The following ABCA13 variants were observed in gnomAD, a reference collection of about 807,000 sequenced individuals.
ABCA13 encodes ATP-binding cassette sub-family A member 13.
Under a neutral mutation model 478.7 loss-of-function variants are expected in ABCA13, and 476 were observed. The observed-to-expected ratio is 0.99, with a 90% CI of 0.92 to 1.07. The LOEUF (loss-of-function observed/expected upper bound fraction) is 1.07, where lower values mean the gene tolerates loss of function less well. Among genes scored for constraint, ABCA13 ranks in the 50% least tolerant of loss-of-function variants. The probability of loss-of-function intolerance (pLI) is 0.00; values close to 1 mark genes in which losing one functional copy is unlikely to be tolerated. For missense variants in ABCA13, 6,060 were observed against 5,910.6 expected, an observed-to-expected ratio of 1.03 and a Z score of -0.83; for synonymous variants, 2,252 against 2,158.9, an observed-to-expected ratio of 1.04 and a Z score of -1.20.
chr7:48,475,639 T>C (rs960923427), intron 45 of ABCA13, among the ~76,000 whole-genome samples: 5 of 151,922 alleles, frequency 3.3e-5, no homozygotes, highest in African/African-American at 9.7e-5. Context: ...CTAATTTTTG[T>C]ATTTTTAGTA....
chr7:48,225,109 GTGCCTGCCTGCC>G (rs201750881), intron 5 of ABCA13, among the ~76,000 whole-genome samples: 3 of 113,664 alleles, frequency 2.6e-5, no homozygotes, highest in Admixed American at 9.2e-5. Flanking sequence ...CCATGCGTGC[GTGCCTGCCTGCC>G]TGCCTGCCTG....
intron 59 of ABCA13, among the ~76,000 whole-genome samples, chr7:48,636,644 A>C (rs2131665329): frequency 6.6e-6 from 1 of 152,028 alleles, no homozygotes; most frequent in East Asian, 1.9e-4. Flanking sequence ...GCCACCATAC[A>C]CCCAAATGTA....
intron 55 of ABCA13, among the ~76,000 whole-genome samples, chr7:48,556,693 A>G (rs771061754): frequency 2.6e-5 from 4 of 151,710 alleles, no homozygotes; most frequent in Non-Finnish European, 5.9e-5. Flanking sequence ...GTCTATGTGT[A>G]TTTTTATAGG....
intron 29 of ABCA13, 69 bp downstream of exon 29, chr7:48,338,524 C>A: frequency 1.6e-6 from 2 of 1,232,174 alleles, no homozygotes; most frequent in East Asian, 2.7e-5. Flanking sequence ...TGGGTCCTCC[C>A]CCTTGGGCCA....
At chr7:48,193,106 T>G in intron 2 of ABCA13, 54 bp downstream of exon 2, 1 of 1,245,768 alleles carries the variant, frequency 8.0e-7, no homozygotes, top group Non-Finnish European at 1.1e-6. Context: ...GAAAAAAAAC[T>G]CATAGCACTC....
intron 41 of ABCA13, among the ~76,000 whole-genome samples, chr7:48,413,138 C>T (rs1819511047): frequency 6.6e-6 from 1 of 151,894 alleles, no homozygotes; most frequent in Non-Finnish European, 1.5e-5. Flanking sequence ...ATTTGAGAAG[C>T]TTGGTGTCTT....
At chr7:48,637,395 A>AAAAAAAAAAAAAAAC (rs1794745355) in intron 59 of ABCA13, among the ~76,000 whole-genome samples, 1 of 148,382 alleles carries the variant, frequency 6.7e-6, no homozygotes, top group African/African-American at 2.5e-5. Context: ...AAAAAAAAAA[A>AAAAAAAAAAAAAAAC]AAAAAAAAAA....
At chr7:48,547,915 A>G (rs895412281) in intron 55 of ABCA13, among the ~76,000 whole-genome samples, 1 of 151,810 alleles carries the variant, frequency 6.6e-6, no homozygotes, top group Non-Finnish European at 1.5e-5. Context: ...AACTTACAAT[A>G]GGTTTATTGG....
At chr7:48,281,487 C>T in intron 19 of ABCA13, 35 bp downstream of exon 19, 1 of 1,538,978 alleles carries the variant, frequency 6.5e-7, no homozygotes, top group Non-Finnish European at 8.8e-7. Flanking sequence ...TCTGCAATTG[C>T]CCTGTGCCAG....
chr7:48,607,240 C>T (rs960491091), intron 58 of ABCA13, among the ~76,000 whole-genome samples: 9 of 152,248 alleles, frequency 5.9e-5, no homozygotes, highest in East Asian at 1.9e-4. Flanking sequence ...GTATCTGGGC[C>T]GGAGTGCACG....
intron 58 of ABCA13, among the ~76,000 whole-genome samples, chr7:48,614,372 A>G (rs1226393584): frequency 2.0e-5 from 3 of 151,418 alleles, no homozygotes; most frequent in African/African-American, 7.2e-5. Context: ...AATCATTAAA[A>G]AGTCAGGAAA....
At chr7:48,437,534 T>G (rs531797883) in intron 42 of ABCA13, among the ~76,000 whole-genome samples, 29 of 152,104 alleles carry the variant, frequency 1.9e-4, no homozygotes, top group Non-Finnish European at 3.8e-4. Flanking sequence ...CTTTAGTTCT[T>G]TATCCATGTT....
At chr7:48,288,868 G>A (rs944805377) in intron 20 of ABCA13, among the ~76,000 whole-genome samples, 1 of 152,130 alleles carries the variant, frequency 6.6e-6, no homozygotes, top group African/African-American at 2.4e-5. Context: ...CTTTGTCCTA[G>A]AATTAAAGAC....
intron 31 of ABCA13, among the ~76,000 whole-genome samples, chr7:48,366,808 A>G (rs1414567463): frequency 6.6e-6 from 1 of 152,162 alleles, no homozygotes; most frequent in South Asian, 2.1e-4. Flanking sequence ...TCACCTCTCA[A>G]TACCATCACA....
At chr7:48,535,737 C>T (rs1833524399) in intron 55 of ABCA13, among the ~76,000 whole-genome samples, 1 of 152,114 alleles carries the variant, frequency 6.6e-6, no homozygotes, top group Admixed American at 6.6e-5. Flanking sequence ...TTATGTTCCT[C>T]AGGGGATTAT....
intron 47 of ABCA13, among the ~76,000 whole-genome samples, chr7:48,488,554 A>G (rs1262195762): frequency 6.6e-6 from 1 of 152,204 alleles, no homozygotes; most frequent in Non-Finnish European, 1.5e-5. Context: ...TGTTCAGTCA[A>G]TTGAATTAAG....
chr7:48,507,526 T>A (rs763943041), intron 49 of ABCA13, among the ~76,000 whole-genome samples: 1 of 152,170 alleles, frequency 6.6e-6, no homozygotes, highest in African/African-American at 2.4e-5. Flanking sequence ...AGTCCCTGTG[T>A]GGGCAAAGGT....
intron 42 of ABCA13, among the ~76,000 whole-genome samples, chr7:48,447,978 A>C (rs1432072298): frequency 6.6e-6 from 1 of 152,098 alleles, no homozygotes; most frequent in Admixed American, 6.5e-5. Context: ...TTTTTCAGCT[A>C]TATTTATTGA....
At position 48,507,879 on chromosome 7, in the gene ABCA13, A is replaced by G; in HGVS notation, c.13354A>G (p.Ser4452Gly). The G allele has an allele frequency of 6.2e-7, 1 of 1,606,976 alleles. No homozygotes were observed. Among genetic ancestry groups the G allele is most frequent in the Non-Finnish European group, 8.5e-7 (1 of 1,176,370 alleles). Reference sequence around the variant, plus strand: ...GCTCTGTTCCACCCGCAGCCTGGAGAGCATCCGTCAGTGTGGAGTGGCCCT... The same window carrying G: ...GCTCTGTTCCACCCGCAGCCTGGAGGGCATCCGTCAGTGTGGAGTGGCCCT... ...ALLNEDKILE[S>G]IRQCGVALCI... Residue 4452 changes from serine (S) to glycine (G), a missense_variant, in exon 50 of 62, where the codon AGC becomes GGC. This residue lies in a region of ABCA13 where 1,627 missense variants were observed against 1,571.0 expected (regional missense o/e 1.04). Coordinates refer to ENST00000435803, the MANE Select transcript of ABCA13 (RefSeq NM_152701.5).
Sources: allele counts gnomAD v4.1 joint callset (sites outside exome capture counted in the v4.1 genomes callset), GRCh38; gene constraint gnomAD v4.1.1; regional missense constraint gnomAD v4.1.1; transcripts MANE v1.5; gene names NCBI Gene and HGNC (gene_info 2026-07-23, HGNC 2026-07-21).